Variants in CFAP221 observed in about 807,000 individuals in gnomAD.
CFAP221 encodes the protein cilia and flagella associated protein 221.
A neutral mutation model predicts 113.1 loss-of-function variants in CFAP221; 97 were observed. The ratio of observed to expected loss-of-function variants is 0.86; its 90% confidence interval spans 0.73 to 1.02. The LOEUF (loss-of-function observed/expected upper bound fraction) is 1.02, where lower values mean the gene tolerates loss of function less well. CFAP221 is among the 50% of genes least tolerant of loss of function. CFAP221 has a pLI of 0.00. For missense variants in CFAP221, 1,025 were observed against 1,013.4 expected, an observed-to-expected ratio of 1.01 and a Z score of -0.16; for synonymous variants, 331 against 354.4, an observed-to-expected ratio of 0.93 and a Z score of 0.74.
chr2:119,637,387 C>G (rs1160903800), intron 19 of CFAP221, among the ~76,000 whole-genome samples: 1 of 152,198 alleles, frequency 6.6e-6, no homozygotes, highest in African/African-American at 2.4e-5. Flanking sequence ...GCATTCAGGT[C>G]TAGCTGCATG....
At chr2:119,593,353 C>G (rs1369685521) in intron 7 of CFAP221, among the ~76,000 whole-genome samples, 1 of 152,134 alleles carries the variant, frequency 6.6e-6, no homozygotes, top group African/African-American at 2.4e-5. Flanking sequence ...ATATCTGAAG[C>G]TTGGTAATTT....
chr2:119,611,822 A>C (rs1164535122), intron 13 of CFAP221, 80 bp downstream of exon 13: 2 of 1,029,010 alleles, frequency 1.9e-6, no homozygotes, highest in African/African-American at 3.3e-5. Context: ...AAACAATTTT[A>C]TAGAAATCCT....
chr2:119,647,948 G>A (rs1470964390), intron 22 of CFAP221, among the ~76,000 whole-genome samples: 2 of 152,130 alleles, frequency 1.3e-5, no homozygotes, highest in Admixed American at 6.5e-5. Flanking sequence ...GGTAGGCTGT[G>A]GGTTCAACAC....
intron 7 of CFAP221, among the ~76,000 whole-genome samples, chr2:119,593,688 A>T (rs1483271598): frequency 6.6e-6 from 1 of 152,130 alleles, no homozygotes; most frequent in Non-Finnish European, 1.5e-5. Context: ...AAATACAAAA[A>T]ATTAGCCAGG....
chr2:119,654,635 T>C (rs892295993), intron 23 of CFAP221, among the ~76,000 whole-genome samples: 1 of 152,204 alleles, frequency 6.6e-6, no homozygotes, highest in Non-Finnish European at 1.5e-5. Context: ...TACGTATTTT[T>C]AGTACTTTAC....
At chr2:119,597,658 C>T (rs995112850) in intron 7 of CFAP221, among the ~76,000 whole-genome samples, 55 of 152,104 alleles carry the variant, frequency 3.6e-4, no homozygotes, top group Non-Finnish European at 4.9e-4. Context: ...AGAAATTTAC[C>T]GAAAAACGAA....
At chr2:119,554,274 G>T (rs1029044029) in intron 3 of CFAP221, among the ~76,000 whole-genome samples, 7 of 152,286 alleles carry the variant, frequency 4.6e-5, no homozygotes, top group African/African-American at 1.7e-4. Flanking sequence ...GATCAATCCA[G>T]ATCTGGCTAA....
intron 7 of CFAP221, among the ~76,000 whole-genome samples, chr2:119,595,298 A>T (rs145921492): frequency 6.6e-6 from 1 of 152,228 alleles, no homozygotes; most frequent in East Asian, 1.9e-4. Context: ...TTACTTTAGG[A>T]GAAATCTGCA....
In CFAP221 at chr2:119,549,304, G is replaced by C; in HGVS notation, c.240+119G>C. ...ATCAGCCGTAGTGCAAGAGTAAATTGGGCCAGAAAGGTAGTTCTATGATGA... is the reference window on the plus strand; with the variant it reads ...ATCAGCCGTAGTGCAAGAGTAAATTCGGCCAGAAAGGTAGTTCTATGATGA... On this transcript the variant is annotated intron_variant, in intron 3 of 23. Transcript: ENST00000413369. The C allele has an allele frequency of 6.7e-6, 5 of 742,938 alleles. No homozygotes were observed. The Middle Eastern group carries it at 1.4e-3, about 209-fold the overall frequency. The allele number at this position is 742,938 out of a possible 1,614,324, so 46.0% of individuals were successfully genotyped here.
intron 16 of CFAP221, among the ~76,000 whole-genome samples, chr2:119,628,128 G>T (rs571047416): frequency 1.3e-5 from 2 of 152,284 alleles, no homozygotes; most frequent in East Asian, 1.9e-4. Context: ...AGGGAGGCAG[G>T]CTCTGCTCAG....
intron 7 of CFAP221, among the ~76,000 whole-genome samples, chr2:119,593,831 C>T (rs1377498991): frequency 2.0e-5 from 3 of 151,532 alleles, no homozygotes; most frequent in Admixed American, 2.0e-4. Context: ...GAGCGAGACT[C>T]AGTCTCAAAA....
intron 6 of CFAP221, among the ~76,000 whole-genome samples, chr2:119,573,628 C>T (rs1482624116): frequency 1.3e-5 from 2 of 152,140 alleles, no homozygotes; most frequent in East Asian, 1.9e-4. Flanking sequence ...CCCAGGAGTT[C>T]GAGGATGTAG....
At chr2:119,647,177 C>A in intron 22 of CFAP221, 127 bp downstream of exon 22, 1 of 651,752 alleles carries the variant, frequency 1.5e-6, no homozygotes, top group Non-Finnish European at 2.6e-6. Context: ...GAAGATAAGG[C>A]TAACACCCAT....
chr2:119,577,843 T>A (rs1272234113), intron 6 of CFAP221, among the ~76,000 whole-genome samples: 1 of 152,256 alleles, frequency 6.6e-6, no homozygotes. Context: ...AGAATGTTCT[T>A]TGGTTTCCTT....
At chr2:119,644,075 C>T (rs1687653958) in intron 21 of CFAP221, among the ~76,000 whole-genome samples, 1 of 152,036 alleles carries the variant, frequency 6.6e-6, no homozygotes, top group African/African-American at 2.4e-5. Context: ...ATCGCTTCAA[C>T]CCGGGAGGCA....
downstream of CFAP221, among the ~76,000 whole-genome samples, chr2:119,659,511 C>T (rs1688548078): frequency 6.6e-6 from 1 of 152,294 alleles, no homozygotes; most frequent in Non-Finnish European, 1.5e-5. Context: ...CTTCTCATTC[C>T]CAATCCATCT....
chr2:119,581,568 G>A lies in CFAP221; in HGVS notation c.528-5551G>A, dbSNP rs936284274. Among the ~76,000 whole-genome samples the A allele has an allele frequency of 2.6e-5, 4 of 152,132 alleles. 1 individual carries two copies. Among genetic ancestry groups the A allele is most frequent in the African/African-American group, 9.7e-5 (4 of 41,430 alleles). ...TACATTTTACATGAAGGGAAATTAG[G>A]GGGTACGGAAGCTAGACTGAAAAGC... On this transcript the variant is annotated intron_variant, in intron 6 of 23. Transcript: ENST00000413369.
chr2:119,570,475 A>C (rs1681966259), intron 6 of CFAP221, among the ~76,000 whole-genome samples: 1 of 152,246 alleles, frequency 6.6e-6, no homozygotes, highest in Non-Finnish European at 1.5e-5. Context: ...ATGCAAGTTT[A>C]GAACATTTTT....
At chr2:119,605,047 G>T in intron 10 of CFAP221, 60 bp downstream of exon 10, 1 of 1,530,404 alleles carries the variant, frequency 6.5e-7, no homozygotes, top group Non-Finnish European at 9.0e-7. Context: ...GTCATTGCTG[G>T]TCACACTGAT....
Sources: gnomAD v4.1 joint callset for allele counts (sites outside exome capture counted in the v4.1 genomes callset) on GRCh38, gnomAD v4.1.1 for gene constraint, MANE v1.5 for transcripts, NCBI Gene and HGNC (gene_info 2026-07-23, HGNC 2026-07-21) for gene names.